The following PDSS2 variants were observed in gnomAD, a reference collection of about 807,000 sequenced individuals.
PDSS2 encodes the protein decaprenyl diphosphate synthase subunit 2, also known as all trans-polyprenyl-diphosphate synthase PDSS2.
In PDSS2, 31 loss-of-function variants were observed where a neutral mutation model predicts 44.5. The observed-to-expected ratio is 0.70, with a 90% CI of 0.52 to 0.94. PDSS2 has a LOEUF of 0.94. Among genes scored for constraint, PDSS2 ranks in the 40% least tolerant of loss-of-function variants. The pLI is 0.00. For synonymous variants in PDSS2, 157 were observed against 180.3 expected (o/e 0.87, Z 1.03); for missense variants, 452 against 482.2 (o/e 0.94, Z 0.59).
chr6:107,367,802 CAAAA>C (rs58861327), intron 1 of PDSS2, among the ~76,000 whole-genome samples: 3 of 101,668 alleles, frequency 3.0e-5, no homozygotes, highest in African/African-American at 1.2e-4. Context: ...AACTCTGTCT[CAAAA>C]AAAAAAAAAA....
At chr6:107,386,985 G>A (rs913167918) in intron 1 of PDSS2, among the ~76,000 whole-genome samples, 1 of 152,162 alleles carries the variant, frequency 6.6e-6, no homozygotes, top group African/African-American at 2.4e-5. Context: ...TTTGACTTAA[G>A]GAAAGGAAAA....
intron 1 of PDSS2, among the ~76,000 whole-genome samples, chr6:107,417,760 C>CA (rs1780705901): frequency 7.1e-6 from 1 of 141,198 alleles, no homozygotes; most frequent in Admixed American, 7.7e-5. Context: ...ACCCTATCTT[C>CA]AAAAAAATTA....
chr6:107,175,084 C>T (rs543530252), intron 7 of PDSS2, among the ~76,000 whole-genome samples: 20 of 152,048 alleles, frequency 1.3e-4, no homozygotes, highest in South Asian at 2.1e-4. Flanking sequence ...TGCTGGCACA[C>T]GCCTGTAATC....
intron 7 of PDSS2, among the ~76,000 whole-genome samples, chr6:107,184,033 A>T (rs961303522): frequency 2.6e-5 from 4 of 152,170 alleles, no homozygotes; most frequent in Non-Finnish European, 4.4e-5. Flanking sequence ...GCAAAGAAAA[A>T]ATACATCTTT....
intron 2 of PDSS2, among the ~76,000 whole-genome samples, chr6:107,290,898 C>G (rs1582899897): frequency 6.6e-6 from 1 of 151,996 alleles, no homozygotes; most frequent in Non-Finnish European, 1.5e-5. Flanking sequence ...TTTATCTCTC[C>G]CCAAAGTCCC....
chr6:107,360,785 T>C (rs1324413125), intron 1 of PDSS2, among the ~76,000 whole-genome samples: 1 of 152,224 alleles, frequency 6.6e-6, no homozygotes, highest in Non-Finnish European at 1.5e-5. Flanking sequence ...AGTTCTGTTA[T>C]TACTGTTTTG....
At chr6:107,289,363 A>C (rs1776268492) in intron 2 of PDSS2, among the ~76,000 whole-genome samples, 1 of 140,586 alleles carries the variant, frequency 7.1e-6, no homozygotes, top group Admixed American at 7.3e-5. Context: ...ACAGAGCGAG[A>C]CTCTGTCTCA....
chr6:107,226,773 G>A (rs548241967), intron 4 of PDSS2, among the ~76,000 whole-genome samples: 1 of 151,228 alleles, frequency 6.6e-6, no homozygotes, highest in Non-Finnish European at 1.5e-5. Flanking sequence ...GGGTTCAAGC[G>A]ATTCTCCTGC....
intron 2 of PDSS2, among the ~76,000 whole-genome samples, chr6:107,310,878 T>C (rs1393861850): frequency 6.6e-6 from 1 of 151,988 alleles, no homozygotes; most frequent in Admixed American, 6.6e-5. Context: ...CAGTCCATTA[T>C]AAAATACATT....
chr6:107,407,281 C>T (rs932636599), intron 1 of PDSS2, among the ~76,000 whole-genome samples: 1 of 152,014 alleles, frequency 6.6e-6, no homozygotes, highest in Non-Finnish European at 1.5e-5. Context: ...ATAGATGTTA[C>T]CAGGTACAGG....
intron 4 of PDSS2, among the ~76,000 whole-genome samples, chr6:107,217,093 C>G (rs1257819743): frequency 6.6e-6 from 1 of 152,152 alleles, no homozygotes; most frequent in Non-Finnish European, 1.5e-5. Context: ...AAAACCACCA[C>G]AAAACCACGG....
intron 7 of PDSS2, among the ~76,000 whole-genome samples, chr6:107,173,301 C>T (rs945889494): frequency 7.9e-5 from 12 of 151,334 alleles, no homozygotes; most frequent in African/African-American, 1.2e-4. Flanking sequence ...AGGCCAGGCG[C>T]GGTGGCTCAC....
At chr6:107,405,896 C>T (rs1780304367) in intron 1 of PDSS2, among the ~76,000 whole-genome samples, 3 of 149,450 alleles carry the variant, frequency 2.0e-5, no homozygotes, top group Admixed American at 2.0e-4. Flanking sequence ...GATAAAACAA[C>T]CTGAACCAAC....
chr6:107,283,013 C>T (rs552947573), intron 2 of PDSS2, among the ~76,000 whole-genome samples: 3 of 151,774 alleles, frequency 2.0e-5, no homozygotes, highest in South Asian at 4.2e-4. Flanking sequence ...TGTGAGCCAC[C>T]GTACCCAGAC....
chr6:107,219,101 C>T lies in PDSS2; in HGVS notation c.703-6819G>A, dbSNP rs189838304. Among the ~76,000 whole-genome samples the T allele has an allele frequency of 1.5e-4, 23 of 151,876 alleles. 1 individual carries two copies. Among genetic ancestry groups the T allele is most frequent in the Admixed American group, 1.4e-3 (22 of 15,234 alleles). On this transcript the variant is annotated intron_variant, in intron 4 of 7. Transcript: ENST00000369037. ...ATTAAAAAAAAATTCTCTTTTAATG[C>T]CTCTCTACTGCTCATAGAATCAAGA... is the stretch of plus-strand genomic sequence containing the variant.
In PDSS2 at chr6:107,212,271, G is replaced by GAT; in HGVS notation, c.712_713dup (p.Thr239SerfsTer22). 6.2e-7 allele frequency: 1 copy of GAT among 1,611,530 alleles called. No homozygotes were observed. Among genetic ancestry groups the GAT allele is most frequent in the Non-Finnish European group, 8.5e-7 (1 of 1,178,562 alleles). ...AAGTCGATATTCCAATATCATCTGTGATATAACTTTCCTAAAAATGTAACA... is the reference window on the plus strand; with the variant it reads ...AAGTCGATATTCCAATATCATCTGTGATATATAACTTTCCTAAAAATGTAACA... On this transcript the variant is annotated frameshift_variant, in exon 5 of 8. Coordinates refer to ENST00000369037, the MANE Select transcript of PDSS2 (RefSeq NM_020381.4). LOFTEE classifies it high-confidence loss of function.
At chr6:107,272,979 C>T (rs1027709095) in intron 3 of PDSS2, among the ~76,000 whole-genome samples, 4 of 151,824 alleles carry the variant, frequency 2.6e-5, no homozygotes, top group South Asian at 2.1e-4. Context: ...ATCACTCTGT[C>T]GCCCAGGCTG....
intron 2 of PDSS2, among the ~76,000 whole-genome samples, chr6:107,298,768 G>A (rs1776595236): frequency 6.6e-6 from 1 of 152,168 alleles, no homozygotes; most frequent in African/African-American, 2.4e-5. Flanking sequence ...CCTAAGAGGT[G>A]GCCTGATCTC....
At chr6:107,258,825 C>A (rs1211834311) in intron 3 of PDSS2, among the ~76,000 whole-genome samples, 1 of 152,044 alleles carries the variant, frequency 6.6e-6, no homozygotes, top group Non-Finnish European at 1.5e-5. Context: ...TTTCATGAAG[C>A]CCCTATCAAT....
Sources: gnomAD v4.1 joint callset for allele counts (sites outside exome capture counted in the v4.1 genomes callset) on GRCh38, gnomAD v4.1.1 for gene constraint, MANE v1.5 for transcripts, NCBI Gene and HGNC (gene_info 2026-07-23, HGNC 2026-07-21) for gene names.